AZIN1: variants seen among roughly 807,000 people sequenced by gnomAD.
AZIN1 encodes the protein antizyme inhibitor 1.
A neutral mutation model predicts 47.4 loss-of-function variants in AZIN1; 12 were observed. The observed-to-expected ratio is 0.25, with a 90% CI of 0.16 to 0.41. The LOEUF is 0.41. Ranked by LOEUF, AZIN1 falls within the 10% of genes least tolerant of loss-of-function variation. AZIN1 has a pLI of 1.00. For synonymous variants in AZIN1, 155 were observed against 176.3 expected (o/e 0.88, Z 0.96); for missense variants, 410 against 532.4 (o/e 0.77, Z 2.26).
chr8:102,862,054 G>A (rs1216915991), intron 1 of AZIN1, among the ~76,000 whole-genome samples: 1 of 151,990 alleles, frequency 6.6e-6, no homozygotes, highest in Non-Finnish European at 1.5e-5. Context: ...CAAGATCGTG[G>A]TTGGCTCTGT....
intron 2 of AZIN1, among the ~76,000 whole-genome samples, chr8:102,849,091 C>T (rs574343850): frequency 6.6e-6 from 1 of 152,074 alleles, no homozygotes; most frequent in East Asian, 1.9e-4. Context: ...AGGTTGAGAT[C>T]GAGACCATCC....
rs180917567 is a variant in AZIN1, at chr8:102,827,631, A to G, written c.*936T>C. 2.2e-4 allele frequency: 34 copies of G among 152,656 alleles called. No individual in the cohort carries two copies. Among genetic ancestry groups the G allele is most frequent in the Admixed American group, 2.2e-3 (33 of 15,292 alleles). 9.5% of individuals were successfully genotyped at this position (152,656 alleles called of 1,614,324 possible). On this transcript the variant is annotated 3_prime_UTR_variant, in exon 12 of 12. Coordinates refer to ENST00000337198, the MANE Select transcript of AZIN1 (RefSeq NM_148174.4). ...CCCCCCAAGTTTATTCAAAGTATTT[A>G]ACAGAATCTTCCATTTCAGCCAAAA...
At position 102,829,863 on chromosome 8, in the gene AZIN1, A is replaced by C. The variant is rs150696696; in HGVS notation, c.978T>G (p.Ser326Arg). 69 of 1,613,450 alleles carry C rather than the reference A, an allele frequency of 4.3e-5. No individual in the cohort carries two copies. In the African/African-American group the frequency reaches 8.5e-4, roughly 20 times the overall value. The change falls in exon 10 of 12, where the codon AGT becomes AGG. Residue 326 changes from serine to arginine, a missense_variant. By Grantham distance (110) the Ser-to-Arg change is moderately radical. Transcript: ENST00000337198. ...MNDGVYGSFA[S>R]KLSEDLNTIP... The stretch of plus-strand genomic sequence containing the variant: ...TGGTATTTAAGTCCTCAGACAGTTT[A>C]CTTGCAAAAGAACCATAAACACCAT...
At chr8:102,831,903 C>G (rs769447619) in intron 9 of AZIN1, among the ~76,000 whole-genome samples, 1 of 152,014 alleles carries the variant, frequency 6.6e-6, no homozygotes, top group Non-Finnish European at 1.5e-5. Context: ...TGCAATGAGC[C>G]CTGATGGAGC....
chr8:102,855,362 G>A (rs1484704282), intron 2 of AZIN1: 1 of 152,146 alleles, frequency 6.6e-6, no homozygotes, highest in Non-Finnish European at 1.5e-5. Context: ...ACCTGGCCTA[G>A]GGGATTTCTC....
At chr8:102,836,134 TAA>T in intron 6 of AZIN1, 120 bp downstream of exon 6, 1 of 1,118,546 alleles carries the variant, frequency 8.9e-7, no homozygotes, top group Non-Finnish European at 1.3e-6. Context: ...ACATGTGTGT[TAA>T]AAGACTAGAA....
At chr8:102,844,876 G>C (rs556829132) in intron 2 of AZIN1, among the ~76,000 whole-genome samples, 9 of 151,988 alleles carry the variant, frequency 5.9e-5, no homozygotes, top group African/African-American at 1.9e-4. Context: ...CCACTCCCCC[G>C]GAGCACTCAT....
At chr8:102,833,544 G>T (rs1811608603) in intron 8 of AZIN1, among the ~76,000 whole-genome samples, 1 of 151,642 alleles carries the variant, frequency 6.6e-6, no homozygotes, top group African/African-American at 2.4e-5. Context: ...ATAGTTTCTA[G>T]ATATCACAGA....
In AZIN1 at chr8:102,864,073, C is replaced by T. The variant is rs781590564; in HGVS notation, c.-500G>A. 1.2e-5 allele frequency: 2 copies of T among 168,456 alleles called. No homozygotes were observed. Among genetic ancestry groups the T allele is most frequent in the South Asian group, 1.3e-4 (1 of 7,724 alleles). 10.4% of individuals were successfully genotyped at this position (168,456 alleles called of 1,614,324 possible). On this transcript the variant is annotated 5_prime_UTR_variant, in exon 1 of 12. Transcript: ENST00000337198. ...GATTCGGACTCGTCACACTGCAGAGCAGCAGAGCGAGAAAGGATGAGAAGA... is the reference window on the plus strand; with the variant it reads ...GATTCGGACTCGTCACACTGCAGAGTAGCAGAGCGAGAAAGGATGAGAAGA...
Position 102,829,939 on chromosome 8 carries a change from G to T in AZIN1, c.905-3C>A. On this transcript the variant is annotated splice_region_variant and splice_polypyrimidine_tract_variant and intron_variant, in intron 9 of 11. Transcript: ENST00000337198. ...TTCATCACTTCCGGTTTTTTCTACT[G>T]GAATAAAACAGGAAAGGGGAAAATG... 6.4e-7 allele frequency: 1 copy of T among 1,555,624 alleles called. No homozygotes were observed. Among genetic ancestry groups the T allele is most frequent in the Non-Finnish European group, 8.8e-7 (1 of 1,137,684 alleles).
intron 2 of AZIN1, among the ~76,000 whole-genome samples, chr8:102,854,191 A>C (rs1813114462): frequency 6.6e-6 from 1 of 151,966 alleles, no homozygotes; most frequent in Non-Finnish European, 1.5e-5. Flanking sequence ...TGCCGGCCTC[A>C]GCCTCCCAAA....
chr8:102,838,814 C>T lies in AZIN1; in HGVS notation c.379G>A (p.Gly127Arg). 1.2e-6 allele frequency: 2 copies of T among 1,613,600 alleles called. No homozygotes were observed. Among genetic ancestry groups the T allele is most frequent in the Non-Finnish European group, 1.7e-6 (2 of 1,179,800 alleles). The change falls in exon 5 of 12, where the codon GGA (glycine) becomes AGA (arginine). Residue 127 changes from glycine to arginine, a missense_variant. Coordinates refer to ENST00000337198, the MANE Select transcript of AZIN1 (RefSeq NM_148174.4). ...VSQIKYAAKV[G>R]VNILTCDNEI... Reference sequence around the variant, plus strand: ...TTGTCACATGTCAGGATATTCACTCCAACTTTTGCTGCATACTTTATCTGA... The same window carrying T: ...TTGTCACATGTCAGGATATTCACTCTAACTTTTGCTGCATACTTTATCTGA...
intron 2 of AZIN1, among the ~76,000 whole-genome samples, chr8:102,844,256 C>T (rs969849582): frequency 3.9e-5 from 6 of 152,042 alleles, no homozygotes; most frequent in African/African-American, 1.4e-4. Flanking sequence ...CCTGTAATCC[C>T]AGCACTTTGA....
chr8:102,833,242 A>G (rs1477039407), intron 8 of AZIN1, 24 bp from the exon 9 acceptor site: 12 of 1,593,770 alleles, frequency 7.5e-6, no homozygotes, highest in Non-Finnish European at 1.0e-5. Context: ...ATGCCACAGT[A>G]TGGTTTCAAT....
intron 3 of AZIN1, among the ~76,000 whole-genome samples, chr8:102,841,805 T>TAAAAA (rs1269379100): frequency 3.1e-4 from 36 of 114,336 alleles, no homozygotes; most frequent in East Asian, 1.7e-3. Flanking sequence ...TATATATATA[T>TAAAAA]AAAAAAAAAA....
intron 1 of AZIN1, among the ~76,000 whole-genome samples, chr8:102,860,651 T>C (rs1813587492): frequency 6.6e-6 from 1 of 152,216 alleles, no homozygotes; most frequent in Non-Finnish European, 1.5e-5. Context: ...CCTTCCGAAG[T>C]GCTGGGATTA....
rs868304486 is a variant in AZIN1, at chr8:102,852,413, T to C, written c.-96+5600A>G. On this transcript the variant is annotated intron_variant, in intron 2 of 11. Transcript: ENST00000337198. ...CAACATGGCGAAACCTTGTCTCTACTAAAAATACAAAATTAGCTGGGCATG... is the reference window on the plus strand; with the variant it reads ...CAACATGGCGAAACCTTGTCTCTACCAAAAATACAAAATTAGCTGGGCATG... 6.6e-5 allele frequency among the ~76,000 whole-genome samples: 10 copies of C among 152,142 alleles called. No homozygotes were observed. In the Middle Eastern group the frequency reaches 0.014, roughly 207 times the overall value.
At chr8:102,853,816 A>T (rs991010828) in intron 2 of AZIN1, among the ~76,000 whole-genome samples, 1 of 149,814 alleles carries the variant, frequency 6.7e-6, no homozygotes, top group African/African-American at 2.4e-5. Context: ...ACATTTGCTC[A>T]TATCACAGTA....
intron 2 of AZIN1, among the ~76,000 whole-genome samples, chr8:102,845,273 G>A (rs1451327604): frequency 1.3e-5 from 2 of 152,160 alleles, no homozygotes; most frequent in African/African-American, 4.8e-5. Flanking sequence ...TTAATAAGCT[G>A]TATTAGTCAA....
Sources: allele counts gnomAD v4.1 joint callset (sites outside exome capture counted in the v4.1 genomes callset), GRCh38; gene constraint gnomAD v4.1.1; transcripts MANE v1.5; gene names NCBI Gene and HGNC (gene_info 2026-07-23, HGNC 2026-07-21).